Variants in C3orf20 observed in about 807,000 individuals in gnomAD.
C3orf20 encodes the protein uncharacterized protein C3orf20.
In C3orf20, 76 loss-of-function variants were observed where a neutral mutation model predicts 88.3. That is an observed-to-expected ratio of 0.86 (90% confidence interval 0.72 to 1.04). C3orf20 has a LOEUF of 1.04. Among genes scored for constraint, C3orf20 ranks in the 50% least tolerant of loss-of-function variants. C3orf20 has a pLI of 0.00. For synonymous variants in C3orf20, 436 were observed against 437.4 expected (o/e 1.00, Z 0.04); for missense variants, 1,056 against 1,123.3 (o/e 0.94, Z 0.86).
intron 4 of C3orf20, 87 bp downstream of exon 4, chr3:14,684,469 G>A (rs1378694986): frequency 6.6e-7 from 1 of 1,516,848 alleles, no homozygotes; most frequent in Non-Finnish European, 8.9e-7. Context: ...CCAGTTTGAA[G>A]GTTTGACATT....
In C3orf20 at chr3:14,768,455, G is replaced by A. The variant is rs1279567355; in HGVS notation, c.2496-3612G>A. ...ACAGGCAGGGGAAGGGCATGCAGAC[G>A]TAGGCTTTCCTGACTTGATCCTACA... On this transcript the variant is annotated intron_variant, in intron 15 of 16. Transcript: ENST00000253697. This position sits in a 1 kb window ranked among gnomAD's most constrained non-coding sequence, Gnocchi z 4.1. Among the ~76,000 whole-genome samples, 6 of 152,000 alleles carry A rather than the reference G, an allele frequency of 3.9e-5. No individual in the cohort carries two copies. The highest frequency in any genetic ancestry group is 1.9e-4 in the East Asian group (1 of 5,192).
In C3orf20 at chr3:14,727,015, C is replaced by T. The variant is rs746843651; in HGVS notation, c.1681C>T (p.Leu561=). The change falls in exon 11 of 17, where the codon CTG becomes TTG. Residue 561 remains leucine (L), a synonymous_variant. Coordinates refer to ENST00000253697, the MANE Select transcript of C3orf20 (RefSeq NM_032137.5). ...TVTQFINSIL[L]AAGLFTIEYP... ...GACTCAGTTCATTAATTCTATCTTG[C>T]TGGCCGCAGGTAAGGAGGCTGAAAG... is the stretch of plus-strand genomic sequence containing the variant. 3 of 1,614,152 alleles carry T rather than the reference C, an allele frequency of 1.9e-6. No individual in the cohort carries two copies. The highest frequency in any genetic ancestry group is 4.5e-5 in the East Asian group (2 of 44,874).
chr3:14,771,206 A>G (rs958599274), intron 15 of C3orf20, among the ~76,000 whole-genome samples: 3 of 152,262 alleles, frequency 2.0e-5, no homozygotes, highest in Non-Finnish European at 2.9e-5. Context: ...TCTGTGATGC[A>G]GCAGGTCCTC....
chr3:14,682,334 G>C lies in C3orf20; in HGVS notation c.-137+3G>C, dbSNP rs1481172609. On this transcript the variant is annotated splice_donor_region_variant and intron_variant, in intron 2 of 16. Coordinates refer to ENST00000253697, the MANE Select transcript of C3orf20 (RefSeq NM_032137.5). The stretch of plus-strand genomic sequence containing the variant: ...CCTCGGATCTCTAGCTACAAAAGGT[G>C]CAATGGGACCTTTCTCTCTTCCCCA... 5.6e-6 allele frequency: 1 copy of C among 179,626 alleles called. No homozygotes were observed. Among genetic ancestry groups the C allele is most frequent in the Non-Finnish European group, 1.2e-5 (1 of 85,116 alleles). 11.1% of individuals were successfully genotyped at this position (179,626 alleles called of 1,614,324 possible).
intron 15 of C3orf20, among the ~76,000 whole-genome samples, chr3:14,770,998 A>T (rs2035846431): frequency 6.6e-6 from 1 of 152,242 alleles, no homozygotes; most frequent in Non-Finnish European, 1.5e-5. Context: ...CTGCTGTAAC[A>T]AGGGGCTGTG....
intron 12 of C3orf20, among the ~76,000 whole-genome samples, chr3:14,753,426 A>G (rs576201467): frequency 1.1e-4 from 17 of 152,356 alleles, no homozygotes; most frequent in African/African-American, 4.1e-4. Flanking sequence ...AACATGGCAC[A>G]TGTATACCTA....
Position 14,683,017 on chromosome 3 carries a change from C to G in C3orf20, c.304C>G (p.Pro102Ala), listed in dbSNP as rs2032183663. 1 of 1,612,994 alleles carries G rather than the reference C, an allele frequency of 6.2e-7. No homozygotes were observed. Among genetic ancestry groups the G allele is most frequent in the Admixed American group, 1.7e-5 (1 of 59,734 alleles). The change falls in exon 3 of 17, where the codon CCA becomes GCA. Residue 102 changes from proline to alanine, a missense_variant. Pro to Ala is a conservative substitution (Grantham distance 27). Coordinates refer to ENST00000253697, the MANE Select transcript of C3orf20 (RefSeq NM_032137.5). The part of the protein sequence containing the change: ...KKPLPPPPPA[P>A]PRPVLLATTG... The stretch of plus-strand genomic sequence containing the variant: ...GCCACTACCTCCACCACCACCAGCA[C>G]CACCACGTCCAGTGCTGCTGGCAAC...
chr3:14,748,310 A>G (rs528591408), intron 12 of C3orf20, among the ~76,000 whole-genome samples: 1 of 152,212 alleles, frequency 6.6e-6, no homozygotes, highest in South Asian at 2.1e-4. Flanking sequence ...GTTGGTAATA[A>G]TGACCCACTT....
chr3:14,754,196 C>T (rs1389112510), intron 12 of C3orf20, among the ~76,000 whole-genome samples: 1 of 152,200 alleles, frequency 6.6e-6, no homozygotes, highest in Admixed American at 6.5e-5. Context: ...TTCTGTTTCC[C>T]CTTGCACCAT....
chr3:14,771,142 G>C (rs1474490502), intron 15 of C3orf20, among the ~76,000 whole-genome samples: 1 of 152,172 alleles, frequency 6.6e-6, no homozygotes, highest in African/African-American at 2.4e-5. Context: ...CTTATAAAAG[G>C]CTCCAGAAGG....
In C3orf20 at chr3:14,761,545, C is replaced by T; in HGVS notation, c.2425C>T (p.Leu809=). Residue 809 remains leucine (L), a synonymous_variant, in exon 15 of 17, where the codon CTG becomes TTG. Coordinates refer to ENST00000253697, the MANE Select transcript of C3orf20 (RefSeq NM_032137.5). ...ATATGGCCTCAGCAAGCAGAATCTG[C>T]TGAAACAGATCTTCCGGTCTCAACA... is the stretch of plus-strand genomic sequence containing the variant. The part of the protein sequence containing the change: ...NGYGLSKQNL[L]KQIFRSQQDY... 6.2e-7 allele frequency: 1 copy of T among 1,613,954 alleles called. No homozygotes were observed. The highest frequency in any genetic ancestry group is 8.5e-7 in the Non-Finnish European group (1 of 1,179,892).
chr3:14,675,392 A>G (rs1239083745), intron 1 of C3orf20, 140 bp downstream of exon 1: 2 of 152,270 alleles, frequency 1.3e-5, no homozygotes, highest in Non-Finnish European at 1.5e-5. Context: ...CATTATCTTC[A>G]TGTTTAAAGT....
At chr3:14,741,245 C>T (rs1348238121) in intron 12 of C3orf20, among the ~76,000 whole-genome samples, 1 of 152,056 alleles carries the variant, frequency 6.6e-6, no homozygotes, top group African/African-American at 2.4e-5. Flanking sequence ...TCTTCGGGTC[C>T]TCAACTGAAA....
intron 9 of C3orf20, among the ~76,000 whole-genome samples, chr3:14,719,799 G>A (rs1228426458): frequency 1.3e-5 from 2 of 152,082 alleles, no homozygotes. Context: ...AAATTTCATG[G>A]GATAAAACTT....
At chr3:14,715,225 C>T in intron 8 of C3orf20, 64 bp from the exon 9 acceptor site, 1 of 1,581,008 alleles carries the variant, frequency 6.3e-7, no homozygotes. Flanking sequence ...TGCCCATAAC[C>T]TGCGGTGATG....
At position 14,761,507 on chromosome 3, in the gene C3orf20, G is replaced by A. The variant is rs199580399; in HGVS notation, c.2387G>A (p.Arg796His). 107 of 1,614,020 alleles carry A rather than the reference G, an allele frequency of 6.6e-5. No individual in the cohort carries two copies. Among genetic ancestry groups the A allele is most frequent in the Admixed American group, 5.7e-4 (34 of 60,020 alleles). Residue 796 changes from arginine (R) to histidine (H), a missense_variant, in exon 15 of 17, where the codon CGT becomes CAT. Arg to His is a conservative substitution (Grantham distance 29, BLOSUM62 0). Coordinates refer to ENST00000253697, the MANE Select transcript of C3orf20 (RefSeq NM_032137.5). Reference sequence around the variant, plus strand: ...GGGGGGAAGCTCATTTTTGGGGGCCGTGTTTTGAATGGATATGGCCTCAGC... The same window carrying A: ...GGGGGGAAGCTCATTTTTGGGGGCCATGTTTTGAATGGATATGGCCTCAGC... ...FAGGKLIFGG[R>H]VLNGYGLSKQ... is the part of the protein sequence containing the mutation.
chr3:14,717,629 A>G lies in C3orf20; in HGVS notation c.1434+2220A>G, dbSNP rs556302011. 4.6e-5 allele frequency among the ~76,000 whole-genome samples: 7 copies of G among 152,172 alleles called. No individual in the cohort carries two copies. In the South Asian group the frequency reaches 1.2e-3, roughly 27 times the overall value. On this transcript the variant is annotated intron_variant, in intron 9 of 16. Transcript: ENST00000253697. ...GCTGTCTTGGAGGCTGCAGGGGCCAATTTGTTTTTGCCCAGATGTTTACTA... is the reference window on the plus strand; with the variant it reads ...GCTGTCTTGGAGGCTGCAGGGGCCAGTTTGTTTTTGCCCAGATGTTTACTA...
rs1441207377 is a variant in C3orf20, at chr3:14,741,391, C to A, written c.1940+12703C>A. ...TCCCTGGGTTTACTTTCAAAATCAA[C>A]ACTTGCCTTGAAAGGTAAAAGAGTT... On this transcript the variant is annotated intron_variant, in intron 12 of 16. Coordinates refer to ENST00000253697, the MANE Select transcript of C3orf20 (RefSeq NM_032137.5). 2.6e-5 allele frequency among the ~76,000 whole-genome samples: 4 copies of A among 152,210 alleles called. 1 individual carries two copies. The highest frequency in any genetic ancestry group is 5.9e-5 in the Non-Finnish European group (4 of 68,052).
chr3:14,715,417 T>A lies in C3orf20; in HGVS notation c.1434+8T>A, dbSNP rs1428200372. 6.2e-7 allele frequency: 1 copy of A among 1,609,294 alleles called. No individual in the cohort carries two copies. The highest frequency in any genetic ancestry group is 1.7e-5 in the Admixed American group (1 of 59,866). On this transcript the variant is annotated splice_region_variant and intron_variant, in intron 9 of 16. Transcript: ENST00000253697. ...CTTTCCCTGGAATACAAGGTAGGGATGGGCAGCACAGGTTGGGTGGCAGTG... is the reference window on the plus strand; with the variant it reads ...CTTTCCCTGGAATACAAGGTAGGGAAGGGCAGCACAGGTTGGGTGGCAGTG...
Sources: gnomAD v4.1 joint callset for allele counts (sites outside exome capture counted in the v4.1 genomes callset) on GRCh38, gnomAD v4.1.1 for gene constraint, Gnocchi (gnomAD v3.1) non-coding constraint, MANE v1.5 for transcripts, NCBI Gene and HGNC (gene_info 2026-07-23, HGNC 2026-07-21) for gene names.